Variants in RCAN2 observed in about 807,000 individuals in gnomAD.
RCAN2 encodes the protein regulator of calcineurin 2.
Under a neutral mutation model 23.6 loss-of-function variants are expected in RCAN2, and 9 were observed. That is an observed-to-expected ratio of 0.38 (90% confidence interval 0.23 to 0.67). The LOEUF is 0.67. Ranked by LOEUF, RCAN2 falls within the 30% of genes least tolerant of loss-of-function variation. The probability of loss-of-function intolerance (pLI) is 0.51; values close to 1 mark genes in which losing one functional copy is unlikely to be tolerated. For synonymous variants in RCAN2, 109 were observed against 115.7 expected, an observed-to-expected ratio of 0.94 and a Z score of 0.37; for missense variants, 273 against 302.3, an observed-to-expected ratio of 0.90 and a Z score of 0.72.
chr6:46,419,376 A>G, intron 2 of RCAN2, among the ~76,000 whole-genome samples: 1 of 152,216 alleles, frequency 6.6e-6, no homozygotes, highest in Non-Finnish European at 1.5e-5. Context: ...AAGGCCTAGT[A>G]TGCTCTTCTC....
intron 4 of RCAN2, among the ~76,000 whole-genome samples, chr6:46,236,805 T>G (rs745797527): frequency 6.6e-6 from 1 of 152,318 alleles, no homozygotes; most frequent in Middle Eastern, 3.4e-3. Flanking sequence ...TAGCACACAG[T>G]AGGTGTCATA....
At chr6:46,378,552 G>A (rs1765539922) in intron 2 of RCAN2, among the ~76,000 whole-genome samples, 2 of 152,184 alleles carry the variant, frequency 1.3e-5, no homozygotes, top group Admixed American at 6.5e-5. Context: ...TGAAGGTGAT[G>A]ATGGTCCAAC....
At chr6:46,455,748 C>T (rs1768002058) in intron 2 of RCAN2, among the ~76,000 whole-genome samples, 1 of 151,338 alleles carries the variant, frequency 6.6e-6, no homozygotes, top group African/African-American at 2.4e-5. Flanking sequence ...CCCAGCTACT[C>T]AGGAGGCTGA....
chr6:46,430,865 T>C (rs1333239381), intron 2 of RCAN2, among the ~76,000 whole-genome samples: 12 of 152,208 alleles, frequency 7.9e-5, no homozygotes, highest in Non-Finnish European at 2.9e-5. Context: ...TATTAAAAAT[T>C]GAGAGATGAG....
chr6:46,367,968 A>T (rs545007756), intron 2 of RCAN2, among the ~76,000 whole-genome samples: 169 of 152,164 alleles, frequency 1.1e-3, no homozygotes, highest in Non-Finnish European at 2.0e-3. Flanking sequence ...GCTCTAAATT[A>T]TATATAATGG....
intron 2 of RCAN2, among the ~76,000 whole-genome samples, chr6:46,447,545 T>C (rs1767751331): frequency 6.6e-6 from 1 of 151,946 alleles, no homozygotes; most frequent in Non-Finnish European, 1.5e-5. Context: ...AGGATATATA[T>C]ACATTCTTTT....
In RCAN2 at chr6:46,425,812, C is replaced by T. The variant is rs370878135; in HGVS notation, c.225+30940G>A. 4.6e-5 allele frequency among the ~76,000 whole-genome samples: 7 copies of T among 151,624 alleles called. No individual in the cohort carries two copies. In the East Asian group the frequency reaches 1.4e-3, roughly 29 times the overall value. On this transcript the variant is annotated intron_variant, in intron 2 of 4. Coordinates refer to ENST00000371374, the MANE Select transcript of RCAN2 (RefSeq NM_001251974.2). ...AATTAACTTCTCAATTACAATTATA[C>T]ATTAAATATTTCTCAGTGGTTCACT...
intron 2 of RCAN2, among the ~76,000 whole-genome samples, chr6:46,455,122 T>C (rs780793832): frequency 6.6e-6 from 1 of 152,242 alleles, no homozygotes; most frequent in Non-Finnish European, 1.5e-5. Context: ...AGGAAACTAC[T>C]TGCCCTGAGA....
intron 1 of RCAN2, among the ~76,000 whole-genome samples, chr6:46,469,728 T>C (rs1768501261): frequency 2.0e-5 from 3 of 152,302 alleles, no homozygotes; most frequent in Non-Finnish European, 4.4e-5. Context: ...TGTCCCCTCC[T>C]AAATGTAGGT....
At chr6:46,436,460 C>T (rs191714694) in intron 2 of RCAN2, among the ~76,000 whole-genome samples, 1 of 152,346 alleles carries the variant, frequency 6.6e-6, no homozygotes, top group Admixed American at 6.5e-5. Flanking sequence ...GGTGATCCAC[C>T]TGCCTTGGCC....
chr6:46,294,664 GA>G (rs1208049253), intron 2 of RCAN2, among the ~76,000 whole-genome samples: 1 of 152,072 alleles, frequency 6.6e-6, no homozygotes, highest in Admixed American at 6.6e-5. Flanking sequence ...TGTGTTGTGT[GA>G]AGAAATCAAG....
intron 2 of RCAN2, among the ~76,000 whole-genome samples, chr6:46,317,434 C>A (rs1391472745): frequency 6.6e-6 from 1 of 152,102 alleles, no homozygotes; most frequent in Non-Finnish European, 1.5e-5. Context: ...GCTTTATACC[C>A]CAATAACTTT....
chr6:46,374,648 T>C (rs1310830347), intron 2 of RCAN2, among the ~76,000 whole-genome samples: 1 of 152,154 alleles, frequency 6.6e-6, no homozygotes, highest in Non-Finnish European at 1.5e-5. Context: ...AATTTGACAA[T>C]GAAAATAAAC....
At chr6:46,234,370 T>C (rs1766016424) in intron 4 of RCAN2, among the ~76,000 whole-genome samples, 1 of 152,242 alleles carries the variant, frequency 6.6e-6, no homozygotes, top group Non-Finnish European at 1.5e-5. Flanking sequence ...TTGGCCTCTT[T>C]TTCCCTTTGG....
chr6:46,415,558 C>T (rs1766689388), intron 2 of RCAN2, among the ~76,000 whole-genome samples: 1 of 152,072 alleles, frequency 6.6e-6, no homozygotes, highest in Non-Finnish European at 1.5e-5. Context: ...CATAAACAAA[C>T]TATGGAGGAA....
In RCAN2 at chr6:46,387,621, G is replaced by T. The variant is rs1765795988; in HGVS notation, c.225+69131C>A. On this transcript the variant is annotated intron_variant, in intron 2 of 4. Transcript: ENST00000371374. ...GGAAACAACAGGTGCTGGAGAGGAT[G>T]TGGAGAAATAGGAACACTTTTACAC... Among the ~76,000 whole-genome samples, 4 of 152,320 alleles carry T rather than the reference G, an allele frequency of 2.6e-5. No homozygotes were observed. In the South Asian group the frequency reaches 8.3e-4, roughly 32 times the overall value.
rs530044220 is a variant in RCAN2 at position 46,479,680 on chromosome 6, T to A, written c.-3+11493A>T. ...TCACTGCAGCCTCTGCCTCCCGGGTTCAAGCAATTCTCCTGCCTCAGCCTC... is the reference window on the plus strand; with the variant it reads ...TCACTGCAGCCTCTGCCTCCCGGGTACAAGCAATTCTCCTGCCTCAGCCTC... On this transcript the variant is annotated intron_variant, in intron 1 of 4. Coordinates refer to ENST00000371374, the MANE Select transcript of RCAN2 (RefSeq NM_001251974.2). 8.7e-5 allele frequency among the ~76,000 whole-genome samples: 13 copies of A among 149,448 alleles called. No individual in the cohort carries two copies. In the South Asian group the frequency reaches 1.9e-3, roughly 22 times the overall value.
At chr6:46,405,137 A>T (rs1766361414) in intron 2 of RCAN2, among the ~76,000 whole-genome samples, 1 of 152,096 alleles carries the variant, frequency 6.6e-6, no homozygotes, top group Non-Finnish European at 1.5e-5. Flanking sequence ...AAGGCGGCGC[A>T]TCTGGAGTCT....
chr6:46,279,908 T>C (rs1232390105), intron 2 of RCAN2, among the ~76,000 whole-genome samples: 2 of 152,218 alleles, frequency 1.3e-5, no homozygotes, highest in Non-Finnish European at 2.9e-5. Context: ...CTGAATGAGC[T>C]AGTGCATATA....
Sources: gnomAD v4.1 joint callset for allele counts (sites outside exome capture counted in the v4.1 genomes callset) on GRCh38, gnomAD v4.1.1 for gene constraint, MANE v1.5 for transcripts, NCBI Gene and HGNC (gene_info 2026-07-23, HGNC 2026-07-21) for gene names.